The following RAB3IP variants were observed in gnomAD, a reference collection of about 807,000 sequenced individuals.
RAB3IP encodes the protein rab-3A-interacting protein.
RAB3IP carries 36 observed loss-of-function variants against 59.1 expected under a neutral mutation model. The observed-to-expected ratio is 0.61, with a 90% confidence interval of 0.47 to 0.80. The LOEUF (loss-of-function observed/expected upper bound fraction) is 0.80, where lower values mean the gene tolerates loss of function less well. Among genes scored for constraint, RAB3IP ranks in the 30% least tolerant of loss-of-function variants. The pLI, the probability that RAB3IP is intolerant of heterozygous loss-of-function variation, is 0.00. For missense variants in RAB3IP, 511 were observed against 536.0 expected, an observed-to-expected ratio of 0.95 and a Z score of 0.46; for synonymous variants, 207 against 191.2, an observed-to-expected ratio of 1.08 and a Z score of -0.68.
intron 3 of RAB3IP, among the ~76,000 whole-genome samples, chr12:69,784,473 T>C (rs1186017619): frequency 6.7e-6 from 1 of 150,252 alleles, no homozygotes; most frequent in Non-Finnish European, 1.5e-5. Flanking sequence ...ATATAATGTA[T>C]ATTTTTAATT....
intron 1 of RAB3IP, chr12:69,739,933 T>A (rs893673336): frequency 6.5e-7 from 1 of 1,537,582 alleles, no homozygotes; most frequent in African/African-American, 1.4e-5. Context: ...GCAATTTAGT[T>A]TCATGGAAAT....
chr12:69,802,213 G>C (rs1015767575), intron 8 of RAB3IP, among the ~76,000 whole-genome samples: 2 of 151,820 alleles, frequency 1.3e-5, no homozygotes, highest in Non-Finnish European at 2.9e-5. Flanking sequence ...TTCTCTCTGA[G>C]GGTGACCATC....
intron 6 of RAB3IP, among the ~76,000 whole-genome samples, chr12:69,798,269 G>T (rs1877838477): frequency 6.6e-6 from 1 of 152,140 alleles, no homozygotes; most frequent in Non-Finnish European, 1.5e-5. Flanking sequence ...TTTCTCTGAT[G>T]GCCAGTGATG....
intron 3 of RAB3IP, among the ~76,000 whole-genome samples, chr12:69,768,422 A>G (rs1872583779): frequency 6.6e-6 from 1 of 152,166 alleles, no homozygotes; most frequent in Non-Finnish European, 1.5e-5. Flanking sequence ...CAAGAAAAGT[A>G]GGTGCTCCAA....
At chr12:69,765,761 T>G (rs1872099836) in intron 3 of RAB3IP, among the ~76,000 whole-genome samples, 1 of 152,256 alleles carries the variant, frequency 6.6e-6, no homozygotes, top group South Asian at 2.1e-4. Context: ...GGATCTCTAA[T>G]TTTTGTGGTA....
intron 3 of RAB3IP, among the ~76,000 whole-genome samples, chr12:69,772,979 T>G (rs1412127582): frequency 6.6e-6 from 1 of 152,188 alleles, no homozygotes; most frequent in Non-Finnish European, 1.5e-5. Flanking sequence ...GTAAGATAAT[T>G]CTGATGGTAT....
chr12:69,802,021 A>G (rs1433394135), intron 8 of RAB3IP, among the ~76,000 whole-genome samples: 3 of 149,684 alleles, frequency 2.0e-5, no homozygotes, highest in African/African-American at 7.4e-5. Flanking sequence ...ACAGTAATAT[A>G]CATATATGAT....
intron 3 of RAB3IP, among the ~76,000 whole-genome samples, chr12:69,772,153 TATC>T (rs768322624): frequency 6.6e-6 from 1 of 152,164 alleles, no homozygotes; most frequent in African/African-American, 2.4e-5. Context: ...TTGGCCCCCT[TATC>T]ATTACATAAT....
intron 5 of RAB3IP, 27 bp from the exon 6 acceptor site, chr12:69,795,114 A>G (rs372069926): frequency 6.4e-7 from 1 of 1,555,548 alleles, no homozygotes; most frequent in Non-Finnish European, 8.9e-7. Flanking sequence ...TATTTAATGT[A>G]TGTGACTATG....
intron 1 of RAB3IP, among the ~76,000 whole-genome samples, chr12:69,751,901 G>A (rs984894050): frequency 6.6e-6 from 1 of 151,414 alleles, no homozygotes; most frequent in African/African-American, 2.4e-5. Context: ...AATCAAATCT[G>A]TAAAGCAAGG....
At chr12:69,775,286 T>G (rs1027563119) in intron 3 of RAB3IP, among the ~76,000 whole-genome samples, 1 of 118,064 alleles carries the variant, frequency 8.5e-6, no homozygotes, top group Non-Finnish European at 1.7e-5. Flanking sequence ...TTGCTGAAGT[T>G]GCTTATCAGC....
intron 8 of RAB3IP, among the ~76,000 whole-genome samples, chr12:69,804,831 C>T (rs1878987508): frequency 1.3e-5 from 2 of 152,024 alleles, no homozygotes; most frequent in South Asian, 4.2e-4. Flanking sequence ...TTTCTGAGGG[C>T]TCTGTTCTGT....
intron 3 of RAB3IP, among the ~76,000 whole-genome samples, chr12:69,762,192 C>T (rs1245857195): frequency 1.3e-5 from 2 of 152,110 alleles, no homozygotes; most frequent in African/African-American, 4.8e-5. Context: ...TTTTCAGGTG[C>T]AGGGATGCCA....
At chr12:69,808,794 T>C (rs1358578500) in intron 8 of RAB3IP, among the ~76,000 whole-genome samples, 6 of 152,244 alleles carry the variant, frequency 3.9e-5, no homozygotes, top group Admixed American at 1.3e-4. Context: ...TATGTGTGTT[T>C]CTGCACATGA....
chr12:69,809,312 T>G (rs1291416768), intron 8 of RAB3IP, among the ~76,000 whole-genome samples: 1 of 152,208 alleles, frequency 6.6e-6, no homozygotes, highest in African/African-American at 2.4e-5. Flanking sequence ...ACCCGACCTT[T>G]CTCTCTGGCT....
intron 1 of RAB3IP, among the ~76,000 whole-genome samples, chr12:69,744,229 T>A (rs1352986563): frequency 4.6e-5 from 7 of 152,116 alleles, no homozygotes; most frequent in Middle Eastern, 3.2e-3. Flanking sequence ...AGTGAGAACA[T>A]GCGGTGTTCT....
At chr12:69,753,144 A>G (rs556088156) in intron 1 of RAB3IP, among the ~76,000 whole-genome samples, 2 of 152,340 alleles carry the variant, frequency 1.3e-5, no homozygotes, top group South Asian at 4.1e-4. Context: ...GGTTGTCTAT[A>G]TGCTGGAAAG....
At chr12:69,796,629 A>T in intron 6 of RAB3IP, 1 of 628,156 alleles carries the variant, frequency 1.6e-6, no homozygotes, top group Non-Finnish European at 2.9e-6. Context: ...CGAATTATCA[A>T]TAAAAATGAT....
Position 69,821,743 on chromosome 12 carries a change from T to C in RAB3IP, c.*6297T>C, listed in dbSNP as rs1407022190. 1 of 152,356 alleles carries C rather than the reference T, an allele frequency of 6.6e-6. No homozygotes were observed. The highest frequency in any genetic ancestry group is 1.9e-4 in the East Asian group (1 of 5,180). 9.4% of individuals were successfully genotyped at this position (152,356 alleles called of 1,614,324 possible). On this transcript the variant is annotated 3_prime_UTR_variant, in exon 11 of 11. Coordinates refer to ENST00000247833, the MANE Select transcript of RAB3IP (RefSeq NM_022456.5). ...ACAACACTGAGCCCACAGTCTTGAATGACAACACTTGGGTGGAGCTGAGTG... is the reference window on the plus strand; with the variant it reads ...ACAACACTGAGCCCACAGTCTTGAACGACAACACTTGGGTGGAGCTGAGTG...
Sources: gnomAD v4.1 joint callset for allele counts (sites outside exome capture counted in the v4.1 genomes callset) on GRCh38, gnomAD v4.1.1 for gene constraint, MANE v1.5 for transcripts, NCBI Gene and HGNC (gene_info 2026-07-23, HGNC 2026-07-21) for gene names.